Variants in POLR3G observed in about 807,000 individuals in gnomAD.
POLR3G encodes RNA polymerase III subunit G, also known as DNA-directed RNA polymerase III subunit RPC7.
In POLR3G, 28 loss-of-function variants were observed where a neutral mutation model predicts 30.1. The observed-to-expected ratio is 0.93, with a 90% CI of 0.69 to 1.27. The LOEUF (loss-of-function observed/expected upper bound fraction) is 1.27, where lower values mean the gene tolerates loss of function less well. POLR3G is among the 50% of genes most tolerant of loss of function. The pLI is 0.00. For synonymous variants in POLR3G, 79 were observed against 82.5 expected (o/e 0.96, Z 0.23); for missense variants, 254 against 264.6 (o/e 0.96, Z 0.28).
At chr5:90,491,440 A>C (rs1251025393) in intron 3 of POLR3G, among the ~76,000 whole-genome samples, 2 of 152,140 alleles carry the variant, frequency 1.3e-5, no homozygotes, top group Non-Finnish European at 2.9e-5. Context: ...ACTTAAATAC[A>C]TCCACAGGTC....
At chr5:90,496,047 T>C (rs1231475367) in intron 4 of POLR3G, among the ~76,000 whole-genome samples, 7 of 151,968 alleles carry the variant, frequency 4.6e-5, no homozygotes, top group African/African-American at 2.4e-5. Flanking sequence ...TATCGGCTCA[T>C]TGCAAGCTCC....
Position 90,504,067 on chromosome 5 carries a change from G to A in POLR3G, c.438+2079G>A, listed in dbSNP as rs150607995. 2.9e-3 allele frequency among the ~76,000 whole-genome samples: 448 copies of A among 152,286 alleles called. 1 individual carries two copies. Among genetic ancestry groups the A allele is most frequent in the African/African-American group, 0.01 (425 of 41,546 alleles). On this transcript the variant is annotated intron_variant, in intron 6 of 7. Coordinates refer to ENST00000651687, the MANE Select transcript of POLR3G (RefSeq NM_006467.3). ...CTTAATGCAAAAGGAATGAAGCAATGAGACAATATATGTGGCTTTGAGATC... is the reference window on the plus strand; with the variant it reads ...CTTAATGCAAAAGGAATGAAGCAATAAGACAATATATGTGGCTTTGAGATC...
chr5:90,504,047 T>G (rs1752369576), intron 6 of POLR3G, among the ~76,000 whole-genome samples: 1 of 152,188 alleles, frequency 6.6e-6, no homozygotes. Flanking sequence ...AGTAGCTTAA[T>G]GCAAAAGGAA....
At chr5:90,505,933 T>C (rs1302076744) in intron 6 of POLR3G, among the ~76,000 whole-genome samples, 1 of 152,100 alleles carries the variant, frequency 6.6e-6, no homozygotes, top group Non-Finnish European at 1.5e-5. Context: ...TCAAATATTT[T>C]AGAAGGAGGT....
intron 3 of POLR3G, chr5:90,490,987 A>T (rs1751697979): frequency 6.5e-6 from 1 of 153,464 alleles, no homozygotes. Flanking sequence ...GTGCTTTAGG[A>T]AACAGAGACT....
chr5:90,508,107 A>C (rs1752575171), intron 7 of POLR3G, among the ~76,000 whole-genome samples: 2 of 152,326 alleles, frequency 1.3e-5, no homozygotes, highest in Admixed American at 1.3e-4. Context: ...AAAAAACACT[A>C]GCCCCATTTT....
chr5:90,504,603 CTG>C (rs1752404146), intron 6 of POLR3G, among the ~76,000 whole-genome samples: 7 of 151,394 alleles, frequency 4.6e-5, no homozygotes, highest in Admixed American at 1.3e-4. Flanking sequence ...GTTTAAATAA[CTG>C]TGTTCTTAAT....
chr5:90,514,288 A>G lies in POLR3G; in HGVS notation c.*2149A>G, dbSNP rs375931487. ...ATTTTGCAGAATTAGCCTCTTACAT[A>G]AAAGTATTTGTTGAAGTGTCTTTAA... On this transcript the variant is annotated 3_prime_UTR_variant, in exon 8 of 8. Coordinates refer to ENST00000651687, the MANE Select transcript of POLR3G (RefSeq NM_006467.3). The G allele has an allele frequency of 2.0e-5, 3 of 152,230 alleles. No homozygotes were observed. The highest frequency in any genetic ancestry group is 4.8e-5 in the African/African-American group (2 of 41,458). 9.4% of individuals were successfully genotyped at this position (152,230 alleles called of 1,614,324 possible). A position where few individuals can be genotyped will look rare whatever the true frequency, so the allele number is the denominator to read the frequency against.
intron 6 of POLR3G, among the ~76,000 whole-genome samples, chr5:90,504,780 A>G (rs2151913717): frequency 6.6e-6 from 1 of 152,310 alleles, no homozygotes; most frequent in East Asian, 1.9e-4. Context: ...TTAACATACC[A>G]TCAAATATGT....
upstream of POLR3G, chr5:90,474,072 C>A (rs757079295): frequency 1.3e-6 from 2 of 1,575,974 alleles, no homozygotes; most frequent in Non-Finnish European, 1.7e-6. Flanking sequence ...CAGTGGCCGG[C>A]GCGCCGCGTC....
intron 6 of POLR3G, 145 bp from the exon 7 acceptor site, chr5:90,506,383 A>G (rs757867984): frequency 2.3e-5 from 26 of 1,118,312 alleles, no homozygotes; most frequent in Non-Finnish European, 3.2e-5. Context: ...TCTTGAGTTG[A>G]CTCATAGTTT....
intron 6 of POLR3G, among the ~76,000 whole-genome samples, chr5:90,505,692 C>A (rs1290335010): frequency 6.6e-6 from 1 of 152,028 alleles, no homozygotes; most frequent in Non-Finnish European, 1.5e-5. Context: ...ACAAGAATTC[C>A]TGGCAACAGG....
In POLR3G at chr5:90,502,051, G is replaced by C. The variant is rs1752271202; in HGVS notation, c.438+63G>C. ...AATGTAAAAGATCCTACCTCGTTTT[G>C]CTCTGTTTCAACCTTTCAGCATTCT... On this transcript the variant is annotated intron_variant, in intron 6 of 7. Coordinates refer to ENST00000651687, the MANE Select transcript of POLR3G (RefSeq NM_006467.3). The C allele has an allele frequency of 9.6e-6, 15 of 1,564,786 alleles. No homozygotes were observed. The South Asian group carries it at 1.8e-4, about 18-fold the overall frequency.
At position 90,495,698 on chromosome 5, in the gene POLR3G, G is replaced by A. The variant is rs948522385; in HGVS notation, c.269G>A (p.Arg90Lys). ...CTAGATATTGAAAGGTATAGTAAAA[G>A]ATACATGAAGGTATACAAGGAAGAA... ...ERQDIERYSK[R>K]YMKVYKEEWI... Residue 90 changes from arginine to lysine, a missense_variant, in exon 4 of 8, where the codon AGA (arginine) becomes AAA (lysine). Arg to Lys is a conservative substitution (Grantham distance 26). Transcript: ENST00000651687. 1.3e-6 allele frequency: 2 copies of A among 1,598,258 alleles called. No individual in the cohort carries two copies. The highest frequency in any genetic ancestry group is 2.7e-5 in the African/African-American group (2 of 74,108).
At chr5:90,494,096 A>G (rs1252095478) in intron 3 of POLR3G, among the ~76,000 whole-genome samples, 1 of 152,066 alleles carries the variant, frequency 6.6e-6, no homozygotes, top group East Asian at 1.9e-4. Context: ...CCCTCCTTCC[A>G]ACCCATGGCA....
intron 3 of POLR3G, among the ~76,000 whole-genome samples, chr5:90,492,618 C>T (rs776665187): frequency 3.3e-5 from 5 of 152,114 alleles, no homozygotes; most frequent in Non-Finnish European, 7.4e-5. Context: ...CGCAGTGGCT[C>T]ACCCCTGTAA....
In POLR3G at chr5:90,502,327, T is replaced by TA. The variant is rs1374894753; in HGVS notation, c.438+344dup. On this transcript the variant is annotated intron_variant, in intron 6 of 7. Transcript: ENST00000651687. ...AAAAGAGTTACATATGTAACTCTTT[T>TA]AAAAACCTCTCATTTTTCCTCCTGT... 3 of 941,594 alleles carry TA rather than the reference T, an allele frequency of 3.2e-6. No individual in the cohort carries two copies. The African/African-American group carries it at 5.3e-5, about 17-fold the overall frequency. 58.3% of individuals were successfully genotyped at this position (941,594 alleles called of 1,614,324 possible).
intron 3 of POLR3G, 50 bp from the exon 4 acceptor site, chr5:90,495,627 A>G (rs778754042): frequency 1.3e-6 from 2 of 1,583,494 alleles, no homozygotes; most frequent in Non-Finnish European, 1.7e-6. Context: ...GCTTAAGTTC[A>G]GGGTTACTGT....
rs138928278 is a variant in POLR3G, at chr5:90,481,680, G to A, written c.-43-3845G>A. ...GACAAATAGAAAGAAAAAAAAATGG[G>A]AAAACCATTACAGTTTAAAAGAAAG... On this transcript the variant is annotated intron_variant, in intron 1 of 7. Coordinates refer to ENST00000651687, the MANE Select transcript of POLR3G (RefSeq NM_006467.3). Among the ~76,000 whole-genome samples, 5 of 152,092 alleles carry A rather than the reference G, an allele frequency of 3.3e-5. No individual in the cohort carries two copies. The East Asian group carries it at 9.7e-4, about 29-fold the overall frequency.
Sources: gnomAD v4.1 joint callset for allele counts (sites outside exome capture counted in the v4.1 genomes callset) on GRCh38, gnomAD v4.1.1 for gene constraint, MANE v1.5 for transcripts, NCBI Gene and HGNC (gene_info 2026-07-23, HGNC 2026-07-21) for gene names.